SSBP2: variants seen among roughly 807,000 people sequenced by gnomAD.
SSBP2 encodes the protein single-stranded DNA-binding protein 2.
SSBP2 carries 17 observed loss-of-function variants against 61.8 expected under a neutral mutation model. That is an observed-to-expected ratio of 0.28 (90% CI 0.19 to 0.41). The LOEUF (loss-of-function observed/expected upper bound fraction) is 0.41, where lower values mean the gene tolerates loss of function less well. Among genes scored for constraint, SSBP2 ranks in the 10% least tolerant of loss-of-function variants. SSBP2 has a pLI of 1.00. For synonymous variants in SSBP2, 139 were observed against 141.3 expected, an observed-to-expected ratio of 0.98 and a Z score of 0.12; for missense variants, 310 against 458.7, an observed-to-expected ratio of 0.68 and a Z score of 2.96.
At chr5:81,479,056 CACT>C (rs1382868038) in intron 6 of SSBP2, among the ~76,000 whole-genome samples, 8 of 152,168 alleles carry the variant, frequency 5.3e-5, no homozygotes, top group African/African-American at 1.9e-4. Context: ...TTTTACTCAT[CACT>C]GTTTGTCTTT....
chr5:81,740,614 CAA>C (rs915535217), intron 1 of SSBP2, among the ~76,000 whole-genome samples: 1 of 152,150 alleles, frequency 6.6e-6, no homozygotes, highest in East Asian at 1.9e-4. Flanking sequence ...GAAGAGACAA[CAA>C]AAGAGACTCA....
At chr5:81,725,142 T>C (rs1222928714) in intron 1 of SSBP2, among the ~76,000 whole-genome samples, 1 of 152,070 alleles carries the variant, frequency 6.6e-6, no homozygotes, top group Non-Finnish European at 1.5e-5. Flanking sequence ...TCTGGGGACA[T>C]GACATTTAAG....
chr5:81,657,594 A>T (rs1034263204), intron 1 of SSBP2, among the ~76,000 whole-genome samples: 3 of 152,194 alleles, frequency 2.0e-5, no homozygotes, highest in Non-Finnish European at 4.4e-5. Flanking sequence ...TAGTATGGCC[A>T]ACTTGGAGTT....
intron 12 of SSBP2, among the ~76,000 whole-genome samples, chr5:81,443,920 AG>A (rs1357405168): frequency 6.6e-6 from 1 of 152,232 alleles, no homozygotes; most frequent in East Asian, 1.9e-4. Context: ...TTGAGACAGA[AG>A]GTAAGTATCA....
At chr5:81,452,728 C>G (rs1320254469) in intron 10 of SSBP2, among the ~76,000 whole-genome samples, 1 of 151,942 alleles carries the variant, frequency 6.6e-6, no homozygotes, top group Non-Finnish European at 1.5e-5. Flanking sequence ...GGAAGTGGGG[C>G]AGGTTTGGGG....
At chr5:81,623,242 TC>T (rs1746793735) in intron 3 of SSBP2, among the ~76,000 whole-genome samples, 1 of 152,110 alleles carries the variant, frequency 6.6e-6, no homozygotes, top group South Asian at 2.1e-4. Context: ...TCTTCTTCTT[TC>T]CTAATTTCCC....
chr5:81,473,466 T>C (rs942972736), intron 8 of SSBP2, among the ~76,000 whole-genome samples: 1 of 152,104 alleles, frequency 6.6e-6, no homozygotes, highest in Non-Finnish European at 1.5e-5. Context: ...TGTTCATAAA[T>C]TCTTGTTGGA....
intron 8 of SSBP2, among the ~76,000 whole-genome samples, chr5:81,473,414 C>T (rs951869717): frequency 2.0e-5 from 3 of 152,110 alleles, no homozygotes; most frequent in Non-Finnish European, 1.5e-5. Flanking sequence ...CCTTGCCCTC[C>T]ACCCTCCCGA....
At chr5:81,683,312 C>A (rs183337754) in intron 1 of SSBP2, among the ~76,000 whole-genome samples, 1 of 152,098 alleles carries the variant, frequency 6.6e-6, no homozygotes, top group Admixed American at 6.5e-5. Flanking sequence ...GAATAAAGAG[C>A]CCAGAAACAG....
chr5:81,653,815 T>C (rs1214811607), intron 1 of SSBP2, among the ~76,000 whole-genome samples: 1 of 152,180 alleles, frequency 6.6e-6, no homozygotes, highest in Admixed American at 6.5e-5. Flanking sequence ...TTTATTTAAG[T>C]TCTTTGTAGA....
chr5:81,467,121 C>T (rs780545402), intron 8 of SSBP2, 56 bp from the exon 9 acceptor site: 39 of 1,114,952 alleles, frequency 3.5e-5, no homozygotes, highest in African/African-American at 7.7e-5. Context: ...AAGGAGAGCA[C>T]GTTAATGATT....
chr5:81,585,057 A>G (rs1407162866), intron 4 of SSBP2, among the ~76,000 whole-genome samples: 1 of 152,148 alleles, frequency 6.6e-6, no homozygotes, highest in African/African-American at 2.4e-5. Flanking sequence ...TATACTATAA[A>G]TAGTTCTAGA....
intron 10 of SSBP2, among the ~76,000 whole-genome samples, chr5:81,457,193 A>G (rs1175459214): frequency 6.6e-6 from 1 of 152,168 alleles, no homozygotes; most frequent in East Asian, 1.9e-4. Context: ...GCTCAGAGAA[A>G]AATGGGGACA....
At chr5:81,511,851 T>C (rs919029010) in intron 5 of SSBP2, among the ~76,000 whole-genome samples, 16 of 152,208 alleles carry the variant, frequency 1.1e-4, no homozygotes, top group African/African-American at 3.6e-4. Flanking sequence ...TGGCATATAG[T>C]AGTACTCAAA....
At chr5:81,636,531 G>A (rs1056099114) in intron 3 of SSBP2, 26 bp downstream of exon 3, 79 of 1,583,148 alleles carry the variant, frequency 5.0e-5, no homozygotes, top group Non-Finnish European at 6.5e-5. Context: ...CATCAAGCCA[G>A]TAAAAATGGA....
At chr5:81,441,892 T>C (rs1390905193) in intron 13 of SSBP2, among the ~76,000 whole-genome samples, 1 of 152,208 alleles carries the variant, frequency 6.6e-6, no homozygotes, top group Non-Finnish European at 1.5e-5. Context: ...AGATATGGGT[T>C]GAAAAACTGG....
chr5:81,592,005 C>G (rs953126149), intron 4 of SSBP2, among the ~76,000 whole-genome samples: 3 of 152,202 alleles, frequency 2.0e-5, no homozygotes, highest in African/African-American at 7.2e-5. Flanking sequence ...GTGGGTGCAG[C>G]GCACTGTGCG....
intron 1 of SSBP2, among the ~76,000 whole-genome samples, chr5:81,656,491 T>G (rs1750222098): frequency 6.6e-6 from 1 of 152,182 alleles, no homozygotes; most frequent in Admixed American, 6.5e-5. Flanking sequence ...TAAAGAGGTT[T>G]CTGGGGGAAC....
intron 4 of SSBP2, among the ~76,000 whole-genome samples, chr5:81,571,231 A>G (rs781485385): frequency 2.6e-4 from 39 of 152,242 alleles, no homozygotes; most frequent in Middle Eastern, 6.8e-3. Flanking sequence ...CTCTGACACA[A>G]TAGCTTGTAG....
Sources: gnomAD v4.1 joint callset for allele counts (sites outside exome capture counted in the v4.1 genomes callset) on GRCh38, gnomAD v4.1.1 for gene constraint, MANE v1.5 for transcripts, NCBI Gene and HGNC (gene_info 2026-07-23, HGNC 2026-07-21) for gene names.